The following ZNF430 variants were observed in gnomAD, a reference collection of about 807,000 sequenced individuals.
The protein encoded by ZNF430 is zinc finger protein 430.
Under a neutral mutation model 56.7 loss-of-function variants are expected in ZNF430, and 35 were observed. The ratio of observed to expected loss-of-function variants is 0.62; its 90% CI spans 0.47 to 0.82. ZNF430 has a LOEUF of 0.82. ZNF430 is among the 40% of genes least tolerant of loss of function. The pLI, the probability that ZNF430 is intolerant of heterozygous loss-of-function variation, is 0.00. For missense variants in ZNF430, 574 were observed against 661.0 expected (o/e 0.87, Z 1.44); for synonymous variants, 212 against 224.3 (o/e 0.94, Z 0.49).
intron 2 of ZNF430, among the ~76,000 whole-genome samples, chr19:21,029,691 G>A (rs1054209881): frequency 6.6e-6 from 1 of 152,178 alleles, no homozygotes; most frequent in South Asian, 2.1e-4. Context: ...TTTTGGCTGG[G>A]TGTGGTGGCT....
At chr19:21,027,971 G>C (rs552474503) in intron 2 of ZNF430, among the ~76,000 whole-genome samples, 1 of 152,128 alleles carries the variant, frequency 6.6e-6, no homozygotes, top group Non-Finnish European at 1.5e-5. Flanking sequence ...GTCATATCAC[G>C]TAGAATGAGC....
At chr19:21,041,146 G>A (rs1402292977) in intron 4 of ZNF430, among the ~76,000 whole-genome samples, 1 of 151,814 alleles carries the variant, frequency 6.6e-6, no homozygotes, top group Non-Finnish European at 1.5e-5. Context: ...ATCTATTTTT[G>A]AGATAGAGTC....
At chr19:21,043,021 G>A (rs376678494) in intron 4 of ZNF430, among the ~76,000 whole-genome samples, 35 of 147,760 alleles carry the variant, frequency 2.4e-4, no homozygotes, top group Middle Eastern at 6.8e-3. Flanking sequence ...GGATATTAAC[G>A]TTTGTCAGAT....
rs1281837541 is a variant in ZNF430 at position 21,057,161 on chromosome 19, G to A, written c.853G>A (p.Gly285Arg). The A allele has an allele frequency of 2.5e-6, 4 of 1,613,746 alleles. No homozygotes were observed. Among genetic ancestry groups the A allele is most frequent in the Non-Finnish European group, 2.5e-6 (3 of 1,179,944 alleles). Reference sequence around the variant, plus strand: ...TACTACACATAAGATAATTCATACTGGAGAGAAACCCTACAGATGTGAAGA... The same window carrying A: ...TACTACACATAAGATAATTCATACTAGAGAGAAACCCTACAGATGTGAAGA... ...TLTTHKIIHTGEKPYRCEECG... is the reference protein window; with the variant it reads ...TLTTHKIIHTREKPYRCEECG... Residue 285 changes from glycine (G) to arginine (R), a missense_variant, in exon 5 of 5, where the codon GGA (glycine) becomes AGA (arginine). Physicochemically the swap from Gly to Arg is moderately radical, Grantham distance 125. Transcript: ENST00000261560.
chr19:21,058,654 A>G lies in ZNF430; in HGVS notation c.*633A>G, dbSNP rs1395444456. ...GTTCATACTGAAGAAAACTTCTACA[A>G]GTGTGAACAGTGTGGCAAAACTTTT... On this transcript the variant is annotated 3_prime_UTR_variant, in exon 5 of 5. Coordinates refer to ENST00000261560, the MANE Select transcript of ZNF430 (RefSeq NM_025189.4). 6.5e-6 allele frequency: 1 copy of G among 154,160 alleles called. No homozygotes were observed. Among genetic ancestry groups the G allele is most frequent in the Non-Finnish European group, 1.5e-5 (1 of 68,226 alleles). The allele number at this position is 154,160 out of a possible 1,614,324, so 9.5% of individuals were successfully genotyped here.
rs1968431589 is a variant in ZNF430, at chr19:21,059,416, G to T, written c.*1395G>T. Reference sequence around the variant, plus strand: ...AAATTAGCCAGCTGTGGTGGTGTATGCCTGTAATCACAGCTACTCGAGAGG... The same window carrying T: ...AAATTAGCCAGCTGTGGTGGTGTATTCCTGTAATCACAGCTACTCGAGAGG... On this transcript the variant is annotated 3_prime_UTR_variant, in exon 5 of 5. Transcript: ENST00000261560. 2.0e-5 allele frequency: 3 copies of T among 151,990 alleles called. No individual in the cohort carries two copies. The highest frequency in any genetic ancestry group is 4.1e-4 in the South Asian group (2 of 4,824). 9.4% of individuals were successfully genotyped at this position (151,990 alleles called of 1,614,324 possible).
intron 2 of ZNF430, among the ~76,000 whole-genome samples, chr19:21,032,381 G>A (rs1476085070): frequency 6.6e-6 from 1 of 152,148 alleles, no homozygotes; most frequent in East Asian, 1.9e-4. Context: ...TACTGTTTGA[G>A]GGGCAATATC....
intron 4 of ZNF430, among the ~76,000 whole-genome samples, chr19:21,041,737 C>G (rs1187920130): frequency 1.4e-5 from 2 of 140,730 alleles, no homozygotes; most frequent in African/African-American, 5.3e-5. Flanking sequence ...GTTGTTGAGA[C>G]AGAGTCTTGC....
At chr19:21,045,092 T>C (rs1200687627) in intron 4 of ZNF430, among the ~76,000 whole-genome samples, 1 of 152,208 alleles carries the variant, frequency 6.6e-6, no homozygotes, top group African/African-American at 2.4e-5. Context: ...ACTTGGATTC[T>C]TCTTATGTCT....
chr19:21,040,565 G>A (rs1568588280), intron 4 of ZNF430, among the ~76,000 whole-genome samples: 1 of 152,146 alleles, frequency 6.6e-6, no homozygotes. Context: ...GCAGATACTG[G>A]CACACACTTC....
At chr19:21,033,672 G>T in intron 3 of ZNF430, 90 bp downstream of exon 3, 1 of 1,370,918 alleles carries the variant, frequency 7.3e-7, no homozygotes, top group Non-Finnish European at 9.8e-7. Flanking sequence ...TTTATGCTTT[G>T]CATAAATGAG....
intron 4 of ZNF430, chr19:21,035,836 T>G (rs756923781): frequency 6.4e-6 from 1 of 155,382 alleles, no homozygotes; most frequent in Non-Finnish European, 1.4e-5. Flanking sequence ...ACAGACTGAA[T>G]ATCCTTCAAC....
chr19:21,049,318 CTT>C (rs1045900595), intron 4 of ZNF430, among the ~76,000 whole-genome samples: 18 of 150,556 alleles, frequency 1.2e-4, no homozygotes, highest in Non-Finnish European at 1.8e-4. Flanking sequence ...AGATTTATAT[CTT>C]GTATTTTTAT....
intron 2 of ZNF430, among the ~76,000 whole-genome samples, chr19:21,028,439 A>G (rs1967843515): frequency 6.6e-6 from 1 of 152,196 alleles, no homozygotes; most frequent in Non-Finnish European, 1.5e-5. Context: ...AAATTGGGAC[A>G]AGTGATTAGG....
intron 2 of ZNF430, among the ~76,000 whole-genome samples, chr19:21,024,124 G>A (rs2144747820): frequency 2.0e-5 from 3 of 152,198 alleles, no homozygotes; most frequent in Admixed American, 2.0e-4. Context: ...TTTATTACAG[G>A]CCCAGTTAGT....
At chr19:21,021,703 C>G (rs1967689731) in intron 1 of ZNF430, among the ~76,000 whole-genome samples, 1 of 151,356 alleles carries the variant, frequency 6.6e-6, no homozygotes. Flanking sequence ...TTAGTTTGTA[C>G]AATAAAGGTG....
At position 21,057,282 on chromosome 19, in the gene ZNF430, C is replaced by G; in HGVS notation, c.974C>G (p.Ala325Gly). 1 of 1,612,902 alleles carries G rather than the reference C, an allele frequency of 6.2e-7. No homozygotes were observed. The highest frequency in any genetic ancestry group is 8.5e-7 in the Non-Finnish European group (1 of 1,179,824). The change falls in exon 5 of 5, where the codon GCT becomes GGT. Residue 325 changes from alanine (A) to glycine (G), a missense_variant. Transcript: ENST00000261560. ...KPYRCEECGRAFNRSSHLTTH... is the reference protein window; with the variant it reads ...KPYRCEECGRGFNRSSHLTTH... ...TACAGATGTGAAGAATGTGGCAGAG[C>G]TTTTAACCGGTCCTCACACCTTACT...
chr19:21,033,336 C>A lies in ZNF430; in HGVS notation c.97-120C>A, dbSNP rs576349328. On this transcript the variant is annotated intron_variant, in intron 2 of 4. Coordinates refer to ENST00000261560, the MANE Select transcript of ZNF430 (RefSeq NM_025189.4). ...AAAAAAATTATTGGATAATTTCAGT[C>A]ATTCCTGCAAATCAGAACCAATTCT... is the stretch of plus-strand genomic sequence containing the variant. 1.6e-5 allele frequency: 21 copies of A among 1,340,856 alleles called. No homozygotes were observed. The East Asian group carries it at 2.7e-4, about 17-fold the overall frequency. 83.1% of individuals were successfully genotyped at this position (1,340,856 alleles called of 1,614,324 possible).
intron 4 of ZNF430, among the ~76,000 whole-genome samples, chr19:21,052,039 C>A (rs796271197): frequency 6.6e-6 from 1 of 151,884 alleles, no homozygotes. Context: ...GCAGTATGGA[C>A]GTCTTCAAAA....
Sources: gnomAD v4.1 joint callset for allele counts (sites outside exome capture counted in the v4.1 genomes callset) on GRCh38, gnomAD v4.1.1 for gene constraint, MANE v1.5 for transcripts, NCBI Gene and HGNC (gene_info 2026-07-23, HGNC 2026-07-21) for gene names.